PLK4: variants seen among roughly 807,000 people sequenced by gnomAD.
PLK4 encodes the protein polo like kinase 4, also known as serine/threonine-protein kinase PLK4.
Under a neutral mutation model 103.0 loss-of-function variants are expected in PLK4, and 51 were observed. That is an observed-to-expected ratio of 0.50 (90% CI 0.40 to 0.63). The LOEUF (loss-of-function observed/expected upper bound fraction) is 0.63. Among genes scored for constraint, PLK4 ranks in the 20% least tolerant of loss-of-function variants. The pLI, the probability that PLK4 is intolerant of heterozygous loss-of-function variation, is 0.00. For synonymous variants in PLK4, 389 were observed against 376.8 expected (o/e 1.03, Z -0.38); for missense variants, 1,054 against 1,151.0 (o/e 0.92, Z 1.22).
At position 127,885,374 on chromosome 4, in the gene PLK4, G is replaced by A. The variant is rs532507263; in HGVS notation, c.338-334G>A. 8.7e-4 allele frequency among the ~76,000 whole-genome samples: 131 copies of A among 151,262 alleles called. 2 individuals carry two copies. The highest frequency in any genetic ancestry group is 2.9e-3 in the African/African-American group (121 of 41,184). ...GGCGCCTGTAGTCCCAGCTACTCGG[G>A]AGGCTGAGGCAGGAGAATGGCATGA... On this transcript the variant is annotated intron_variant, in intron 4 of 15. Transcript: ENST00000270861.
chr4:127,889,177 A>T (rs1482119693), intron 6 of PLK4, among the ~76,000 whole-genome samples: 1 of 152,140 alleles, frequency 6.6e-6, no homozygotes, highest in Non-Finnish European at 1.5e-5. Context: ...TAAGAAAAAA[A>T]ATATAATTCA....
At position 127,894,937 on chromosome 4, in the gene PLK4, C is replaced by T. The variant is rs1451580405; in HGVS notation, c.2563-16C>T. On this transcript the variant is annotated splice_polypyrimidine_tract_variant and intron_variant, in intron 13 of 15. Coordinates refer to ENST00000270861, the MANE Select transcript of PLK4 (RefSeq NM_014264.5). ...ATGCTGAGGAATAATATCTTCCTGT[C>T]CTTTATTCTTTGTAGATGGTTACAA... The T allele has an allele frequency of 6.6e-7, 1 of 1,519,690 alleles. No homozygotes were observed. Among genetic ancestry groups the T allele is most frequent in the African/African-American group, 1.4e-5 (1 of 71,196 alleles). 94.1% of individuals were successfully genotyped at this position (1,519,690 alleles called of 1,614,324 possible).
chr4:127,887,509 T>A lies in PLK4; in HGVS notation c.1459+13T>A, dbSNP rs757093607. ...CTGCAAATAAATGGTGAGTTTTTAA[T>A]GGAGTATTTAATCAAGAATTAATTA... On this transcript the variant is annotated intron_variant, in intron 6 of 15. Transcript: ENST00000270861. 3 of 1,394,980 alleles carry A rather than the reference T, an allele frequency of 2.2e-6. No individual in the cohort carries two copies. Among genetic ancestry groups the A allele is most frequent in the Non-Finnish European group, 3.0e-6 (3 of 988,468 alleles). 86.4% of individuals were successfully genotyped at this position (1,394,980 alleles called of 1,614,324 possible). A position where few individuals can be genotyped will look rare whatever the true frequency, so the allele number is the denominator to read the frequency against.
chr4:127,889,520 A>G (rs950377827), intron 6 of PLK4, among the ~76,000 whole-genome samples: 3 of 152,188 alleles, frequency 2.0e-5, no homozygotes, highest in Non-Finnish European at 2.9e-5. Flanking sequence ...GGGAACTCAA[A>G]TCTGCTTTTG....
intron 13 of PLK4, among the ~76,000 whole-genome samples, chr4:127,894,427 A>G (rs1263222923): frequency 6.6e-6 from 1 of 151,756 alleles, no homozygotes; most frequent in Non-Finnish European, 1.5e-5. Flanking sequence ...ACGGGGTTTC[A>G]CCATGTTAGC....
chr4:127,881,331 G>A (rs1221884818), intron 1 of PLK4, 167 bp downstream of exon 1: 2 of 1,471,958 alleles, frequency 1.4e-6, no homozygotes, highest in Non-Finnish European at 1.8e-6. Context: ...GGGCGGAGCG[G>A]CCCGCCCCTC....
chr4:127,885,028 T>C (rs1462399190), intron 4 of PLK4, among the ~76,000 whole-genome samples: 1 of 151,824 alleles, frequency 6.6e-6, no homozygotes, highest in Non-Finnish European at 1.5e-5. Flanking sequence ...AATTAGAAAA[T>C]ATGTATGAAT....
chr4:127,886,762 T>C (rs1735151487), intron 5 of PLK4, 34 bp downstream of exon 5: 1 of 1,381,314 alleles, frequency 7.2e-7, no homozygotes, highest in South Asian at 1.4e-5. Flanking sequence ...ATTTTGTTTT[T>C]TGGTAACATT....
chr4:127,882,401 C>T (rs951383080), intron 2 of PLK4, among the ~76,000 whole-genome samples: 1 of 152,086 alleles, frequency 6.6e-6, no homozygotes, highest in Non-Finnish European at 1.5e-5. Flanking sequence ...AGGTGGATCA[C>T]CTGAGCTCAG....
intron 7 of PLK4, 127 bp from the exon 8 acceptor site, chr4:127,890,965 A>G (rs1046525972): frequency 7.0e-5 from 38 of 544,134 alleles, no homozygotes; most frequent in Middle Eastern, 4.3e-4. Context: ...GTTGTAGTGA[A>G]GCAGCTTTGA....
Position 127,885,992 on chromosome 4 carries a change from A to G in PLK4, c.622A>G (p.Arg208Gly). The change falls in exon 5 of 16, where the codon AGA becomes GGA. Residue 208 changes from arginine (R) to glycine (G), a missense_variant. Physicochemically the swap from Arg to Gly is moderately radical, Grantham distance 125 (BLOSUM62 -2). Transcript: ENST00000270861. ...TATGTTTTATACATTACTTATCGGG[A>G]GACCACCCTTCGACACTGACACAGT... ...GCMFYTLLIG[R>G]PPFDTDTVKN... The G allele has an allele frequency of 1.9e-6, 3 of 1,614,206 alleles. No individual in the cohort carries two copies. The highest frequency in any genetic ancestry group is 2.5e-6 in the Non-Finnish European group (3 of 1,180,022).
intron 6 of PLK4, among the ~76,000 whole-genome samples, chr4:127,888,730 A>C (rs932019031): frequency 6.6e-6 from 1 of 152,180 alleles, no homozygotes; most frequent in South Asian, 2.1e-4. Context: ...ATTGGGAAAT[A>C]ATGATGGAAA....
intron 14 of PLK4, 39 bp downstream of exon 14, chr4:127,895,132 ATTTCT>A (rs760734759): frequency 2.9e-6 from 4 of 1,376,084 alleles, no homozygotes; most frequent in Non-Finnish European, 3.9e-6. Flanking sequence ...CTCAGTATGA[ATTTCT>A]TTTCATTTTC....
Position 127,881,017 on chromosome 4 carries a change from G to C in PLK4, c.-118G>C. ...TGGTTTCAGCGTCGTCGCCTGGAGC[G>C]GCGGTTTAGAGAGCCGAGCCTGATG... On this transcript the variant is annotated 5_prime_UTR_variant, in exon 1 of 16. Coordinates refer to ENST00000270861, the MANE Select transcript of PLK4 (RefSeq NM_014264.5). The C allele has an allele frequency of 8.7e-7, 1 of 1,147,938 alleles. No homozygotes were observed. The highest frequency in any genetic ancestry group is 1.3e-6 in the Non-Finnish European group (1 of 778,366). 71.1% of individuals were successfully genotyped at this position (1,147,938 alleles called of 1,614,324 possible). A position where few individuals can be genotyped will look rare whatever the true frequency, so the allele number is the denominator to read the frequency against.
intron 10 of PLK4, 182 bp from the exon 11 acceptor site, chr4:127,893,102 GA>G (rs927100926): frequency 1.6e-4 from 69 of 442,574 alleles, no homozygotes; most frequent in African/African-American, 1.3e-3. Context: ...TATATGTTGG[GA>G]AAAAAATGGA....
chr4:127,881,456 C>T, intron 1 of PLK4: 2 of 1,237,034 alleles, frequency 1.6e-6, no homozygotes, highest in Non-Finnish European at 2.1e-6. Context: ...TAGAGCAGGG[C>T]AGGGCTACCT....
chr4:127,896,518 A>C (rs1735570462), intron 14 of PLK4, among the ~76,000 whole-genome samples: 1 of 152,218 alleles, frequency 6.6e-6, no homozygotes, highest in African/African-American at 2.4e-5. Context: ...AATGGAAATT[A>C]ATGGGAAACA....
rs763632707 is a variant in PLK4 at position 127,893,893 on chromosome 4, T to C, written c.2562+12T>C. ...TCCTTAATCCCTCTGTAAGTAAATATATGTCACTTCTGTACTTTAAACCTT... is the reference window on the plus strand; with the variant it reads ...TCCTTAATCCCTCTGTAAGTAAATACATGTCACTTCTGTACTTTAAACCTT... On this transcript the variant is annotated intron_variant, in intron 13 of 15. Transcript: ENST00000270861. 7.6e-7 allele frequency: 1 copy of C among 1,320,840 alleles called. No homozygotes were observed. The highest frequency in any genetic ancestry group is 1.1e-6 in the Non-Finnish European group (1 of 915,928). 81.8% of individuals were successfully genotyped at this position (1,320,840 alleles called of 1,614,324 possible). A position where few individuals can be genotyped will look rare whatever the true frequency, so the allele number is the denominator to read the frequency against.
intron 7 of PLK4, 27 bp from the exon 8 acceptor site, chr4:127,891,065 C>G: frequency 1.6e-6 from 2 of 1,242,070 alleles, no homozygotes; most frequent in Non-Finnish European, 2.3e-6. Flanking sequence ...AGAATTATTA[C>G]TGATTTTGGG....
Sources: gnomAD v4.1 joint callset for allele counts (sites outside exome capture counted in the v4.1 genomes callset) on GRCh38, gnomAD v4.1.1 for gene constraint, MANE v1.5 for transcripts, NCBI Gene and HGNC (gene_info 2026-07-23, HGNC 2026-07-21) for gene names.